The following KIF21A variants were observed in gnomAD, a reference collection of about 807,000 sequenced individuals.
KIF21A encodes the protein kinesin-like protein KIF21A.
Under a neutral mutation model 202.9 loss-of-function variants are expected in KIF21A, and 114 were observed. That is an observed-to-expected ratio of 0.56 (90% CI 0.48 to 0.66). KIF21A has a LOEUF of 0.66. Ranked by LOEUF, KIF21A falls within the 30% of genes least tolerant of loss-of-function variation. The pLI is 0.00. For synonymous variants in KIF21A, 667 were observed against 670.8 expected, an observed-to-expected ratio of 0.99 and a Z score of 0.09; for missense variants, 1,677 against 1,994.9, an observed-to-expected ratio of 0.84 and a Z score of 3.04.
chr12:39,337,155 T>C lies in KIF21A; in HGVS notation c.2359A>G (p.Thr787Ala), dbSNP rs1947050210. Residue 787 changes from threonine (T) to alanine (A), a missense_variant, in exon 17 of 38, where the codon ACT becomes GCT. Around this residue, in one of 3 missense-constraint regions of KIF21A, gnomAD observed 966 missense variants for 1,180.9 expected, o/e 0.82. Transcript: ENST00000361418. ...MKEEQEKARL[T>A]ESRRNREIAQ... ...ATCTCTCTGTTTCTTCTAGACTCAG[T>C]CAGTCTGGCTTTCTCTTGTTCTTCT... The C allele has an allele frequency of 6.2e-7, 1 of 1,612,644 alleles. No homozygotes were observed. Among genetic ancestry groups the C allele is most frequent in the African/African-American group, 1.3e-5 (1 of 74,910 alleles).
chr12:39,438,922 T>C (rs1384128152), intron 1 of KIF21A, among the ~76,000 whole-genome samples: 1 of 152,210 alleles, frequency 6.6e-6, no homozygotes, highest in Non-Finnish European at 1.5e-5. Flanking sequence ...TTCAATTCAG[T>C]ATACTTAGAT....
intron 17 of KIF21A, among the ~76,000 whole-genome samples, chr12:39,334,651 T>C (rs1325470654): frequency 6.6e-6 from 1 of 152,242 alleles, no homozygotes; most frequent in African/African-American, 2.4e-5. Flanking sequence ...TTCATATTTT[T>C]ATATGGTATA....
At chr12:39,317,743 A>T (rs983266756) in intron 29 of KIF21A, among the ~76,000 whole-genome samples, 2 of 152,188 alleles carry the variant, frequency 1.3e-5, no homozygotes, top group Non-Finnish European at 2.9e-5. Flanking sequence ...TTGTGGGCTC[A>T]CAGAAGCTGA....
chr12:39,396,618 A>T (rs1398015633), intron 1 of KIF21A, among the ~76,000 whole-genome samples: 1 of 152,206 alleles, frequency 6.6e-6, no homozygotes. Context: ...ATAGAAATTG[A>T]GGGGGCCTGA....
intron 37 of KIF21A, among the ~76,000 whole-genome samples, chr12:39,297,058 T>C (rs1377412396): frequency 6.6e-6 from 1 of 152,128 alleles, no homozygotes; most frequent in Non-Finnish European, 1.5e-5. Context: ...CTAGATATAA[T>C]TTAAAGGTAG....
intron 23 of KIF21A, 54 bp downstream of exon 23, chr12:39,330,692 C>T (rs1310602014): frequency 1.9e-6 from 3 of 1,547,678 alleles, no homozygotes; most frequent in Admixed American, 1.7e-5. Flanking sequence ...ATACCATGTT[C>T]AAAAAGCAAA....
chr12:39,325,851 T>C lies in KIF21A; in HGVS notation c.3444A>G (p.Lys1148=), dbSNP rs1157354928. 1.9e-6 allele frequency: 3 copies of C among 1,611,050 alleles called. No individual in the cohort carries two copies. In the Admixed American group the frequency reaches 5.0e-5, roughly 27 times the overall value. ...SDLMKLCGEV[K]PKNKARRRTT... ...TAGTTCTCCTTACCTTGTTCTTAGG[T>C]TTCACTTCACCACAAAGCTTCATGA... The change falls in exon 26 of 38, where the codon AAA becomes AAG. Residue 1148 remains lysine (K), a synonymous_variant. Coordinates refer to ENST00000361418, the MANE Select transcript of KIF21A (RefSeq NM_001173464.2).
chr12:39,416,627 ATG>A (rs1022134132), intron 1 of KIF21A, among the ~76,000 whole-genome samples: 13 of 137,104 alleles, frequency 9.5e-5, no homozygotes, highest in Non-Finnish European at 1.9e-4. Context: ...GTACATATAT[ATG>A]TGTATATATA....
chr12:39,405,817 G>C (rs565264152), intron 1 of KIF21A, among the ~76,000 whole-genome samples: 1 of 152,106 alleles, frequency 6.6e-6, no homozygotes, highest in South Asian at 2.1e-4. Context: ...ACACGAAGTT[G>C]ATCATTCTTA....
rs1947396913 is a variant in KIF21A, at chr12:39,341,024, T to C, written c.1992A>G (p.Leu664=). The C allele has an allele frequency of 6.2e-7, 1 of 1,612,784 alleles. No homozygotes were observed. The highest frequency in any genetic ancestry group is 1.7e-4 in the Middle Eastern group (1 of 6,056). The change falls in exon 15 of 38, where the codon CTA becomes CTG. Residue 664 remains leucine (L), a synonymous_variant. Coordinates refer to ENST00000361418, the MANE Select transcript of KIF21A (RefSeq NM_001173464.2). The part of the protein sequence containing the change: ...IAIKQKLIDE[L]ENSQKRLQTL... Reference sequence around the variant, plus strand: ...TCTGCAGTCTTTTCTGGCTGTTTTCTAGTTCATCAATCAGCTTTTGCTTAA... The same window carrying C: ...TCTGCAGTCTTTTCTGGCTGTTTTCCAGTTCATCAATCAGCTTTTGCTTAA...
At chr12:39,303,223 A>ATG in intron 35 of KIF21A, 88 bp from the exon 36 acceptor site, 24 of 1,067,146 alleles carry the variant, frequency 2.2e-5, no homozygotes, top group Non-Finnish European at 3.3e-5. Flanking sequence ...ATACACATGT[A>ATG]TGTTAATCAG....
chr12:39,381,306 C>CAA (rs542073175), intron 1 of KIF21A, among the ~76,000 whole-genome samples: 36 of 64,790 alleles, frequency 5.6e-4, no homozygotes, highest in African/African-American at 6.6e-4. Flanking sequence ...GACTCTGTCT[C>CAA]AAAAAAAAAA....
chr12:39,301,747 A>C, intron 36 of KIF21A, 68 bp from the exon 37 acceptor site: 13 of 1,324,344 alleles, frequency 9.8e-6, no homozygotes, highest in Non-Finnish European at 1.3e-5. Context: ...ACATGAAAAT[A>C]AACTGAAAAA....
chr12:39,329,201 T>C (rs545143764), intron 24 of KIF21A, among the ~76,000 whole-genome samples: 2 of 152,326 alleles, frequency 1.3e-5, no homozygotes, highest in East Asian at 3.9e-4. Context: ...CCCCAGTCCC[T>C]AGGGCAAATT....
At chr12:39,398,124 C>T (rs1951893758) in intron 1 of KIF21A, among the ~76,000 whole-genome samples, 1 of 152,146 alleles carries the variant, frequency 6.6e-6, no homozygotes, top group South Asian at 2.1e-4. Flanking sequence ...TATGGTACAA[C>T]AATGTTGTAT....
Position 39,344,949 on chromosome 12 carries a change from G to A in KIF21A, c.1712+1517C>T, listed in dbSNP as rs144714152. 1.9e-3 allele frequency among the ~76,000 whole-genome samples: 288 copies of A among 152,214 alleles called. 3 individuals are homozygous for A. The highest frequency in any genetic ancestry group is 6.7e-3 in the African/African-American group (277 of 41,534). On this transcript the variant is annotated intron_variant, in intron 12 of 37. Coordinates refer to ENST00000361418, the MANE Select transcript of KIF21A (RefSeq NM_001173464.2). ...CCTGGAGAAGTGAATCCCCTCAAGAGAACTAAAACCAGTTATCCTGACTCC... is the reference window on the plus strand; with the variant it reads ...CCTGGAGAAGTGAATCCCCTCAAGAAAACTAAAACCAGTTATCCTGACTCC...
At chr12:39,295,998 T>G (rs1461410910) in intron 37 of KIF21A, among the ~76,000 whole-genome samples, 1 of 115,104 alleles carries the variant, frequency 8.7e-6, no homozygotes, top group Non-Finnish European at 1.8e-5. Flanking sequence ...GCGTCCACCC[T>G]GGGATATGGT....
intron 10 of KIF21A, among the ~76,000 whole-genome samples, chr12:39,354,739 A>C (rs971020931): frequency 1.3e-5 from 2 of 152,222 alleles, no homozygotes; most frequent in African/African-American, 4.8e-5. Context: ...AGTCGGGTTT[A>C]GCAGGTAAAA....
chr12:39,326,474 A>G, intron 24 of KIF21A, 150 bp from the exon 25 acceptor site: 1 of 679,792 alleles, frequency 1.5e-6, no homozygotes, highest in East Asian at 2.7e-5. Flanking sequence ...AGAATTGTAG[A>G]AAAGTATTTC....
Sources: allele counts gnomAD v4.1 joint callset (sites outside exome capture counted in the v4.1 genomes callset), GRCh38; gene constraint gnomAD v4.1.1; regional missense constraint gnomAD v4.1.1; transcripts MANE v1.5; gene names NCBI Gene and HGNC (gene_info 2026-07-23, HGNC 2026-07-21).